The following MCU variants were observed in gnomAD, a reference collection of about 807,000 sequenced individuals.
The protein encoded by MCU is calcium uniporter protein, mitochondrial.
MCU carries 12 observed loss-of-function variants against 45.2 expected under a neutral mutation model. The ratio of observed to expected loss-of-function variants is 0.27; its 90% CI spans 0.17 to 0.43. The LOEUF (loss-of-function observed/expected upper bound fraction) is 0.43. Among genes scored for constraint, MCU ranks in the 20% least tolerant of loss-of-function variants. The probability of loss-of-function intolerance (pLI) is 1.00; values close to 1 mark genes in which losing one functional copy is unlikely to be tolerated. For synonymous variants in MCU, 160 were observed against 165.1 expected (o/e 0.97, Z 0.24); for missense variants, 324 against 436.7 (o/e 0.74, Z 2.30).
At chr10:72,862,715 G>A (rs144523813) in intron 4 of MCU, among the ~76,000 whole-genome samples, 1 of 152,174 alleles carries the variant, frequency 6.6e-6, no homozygotes, top group East Asian at 1.9e-4. Context: ...CACCCCAGGG[G>A]TGGGGGACCA....
intron 2 of MCU, among the ~76,000 whole-genome samples, chr10:72,857,956 A>G (rs1845318070): frequency 6.6e-6 from 1 of 152,242 alleles, no homozygotes; most frequent in Non-Finnish European, 1.5e-5. Context: ...TCATGAAGAC[A>G]TTCAAGAGAA....
At chr10:72,819,995 G>A (rs1844686626) in intron 1 of MCU, among the ~76,000 whole-genome samples, 1 of 152,122 alleles carries the variant, frequency 6.6e-6, no homozygotes, top group Non-Finnish European at 1.5e-5. Flanking sequence ...AGAAAAGTCT[G>A]AGGGGAAAGT....
At chr10:72,723,666 G>T (rs1843054452) in intron 1 of MCU, among the ~76,000 whole-genome samples, 1 of 152,222 alleles carries the variant, frequency 6.6e-6, no homozygotes, top group African/African-American at 2.4e-5. Flanking sequence ...TAACAAACTT[G>T]TCATACACAT....
At chr10:72,805,178 T>TTCCTTCCTTCCTTCCTTCCTTCCTTCC in intron 1 of MCU, among the ~76,000 whole-genome samples, 1 of 140,440 alleles carries the variant, frequency 7.1e-6, no homozygotes, top group African/African-American at 3.1e-5. Flanking sequence ...TCTCTCTCTC[T>TTCCTTCCTTCCTTCCTTCCTTCCTTCC]TTCCTTCCTT....
At chr10:72,704,149 A>G (rs1350939970) in intron 1 of MCU, among the ~76,000 whole-genome samples, 1 of 152,188 alleles carries the variant, frequency 6.6e-6, no homozygotes, top group African/African-American at 2.4e-5. Flanking sequence ...GGCCGGGTGG[A>G]AAGGATGGGA....
At chr10:72,766,168 G>A (rs1843724209) in intron 1 of MCU, among the ~76,000 whole-genome samples, 1 of 152,102 alleles carries the variant, frequency 6.6e-6, no homozygotes, top group African/African-American at 2.4e-5. Flanking sequence ...ATGACTGACT[G>A]TTTTTCATTT....
chr10:72,693,188 G>GT lies in MCU; in HGVS notation c.150+888dup, dbSNP rs934259534. On this transcript the variant is annotated intron_variant, in intron 1 of 7. Transcript: ENST00000373053. ...CTCTTGGGTGAGTGTGTGTGTGTGT[G>GT]TGTGTGTGTGTGAGAGAGAGAGAGA... 71 of 924,852 alleles carry GT rather than the reference G, an allele frequency of 7.7e-5. 1 individual carries two copies. In the African/African-American group the frequency reaches 1.0e-3, roughly 13 times the overall value. The allele number at this position is 924,852 out of a possible 1,614,324, so 57.3% of individuals were successfully genotyped here. A position where few individuals can be genotyped will look rare whatever the true frequency, so the allele number is the denominator to read the frequency against.
chr10:72,702,370 A>G (rs1053044934), intron 1 of MCU, among the ~76,000 whole-genome samples: 12 of 152,328 alleles, frequency 7.9e-5, no homozygotes, highest in African/African-American at 2.6e-4. Flanking sequence ...AGTGTACTCT[A>G]CAACAGTCCT....
chr10:72,733,910 A>T (rs1589436889), intron 1 of MCU, among the ~76,000 whole-genome samples: 1 of 151,934 alleles, frequency 6.6e-6, no homozygotes, highest in Admixed American at 6.5e-5. Flanking sequence ...AAATTATTTT[A>T]AAAGTAATAT....
At chr10:72,743,582 C>G (rs540358889) in intron 1 of MCU, among the ~76,000 whole-genome samples, 3 of 151,482 alleles carry the variant, frequency 2.0e-5, no homozygotes, top group Non-Finnish European at 4.4e-5. Context: ...TTTTTCTGTA[C>G]TTGTACATTT....
At chr10:72,746,245 A>G (rs187027420) in intron 1 of MCU, among the ~76,000 whole-genome samples, 15 of 152,346 alleles carry the variant, frequency 9.8e-5, no homozygotes, top group African/African-American at 1.9e-4. Context: ...TTTTTCAAAA[A>G]CCAAAAAGAA....
At chr10:72,776,551 A>G (rs1843896968) in intron 1 of MCU, among the ~76,000 whole-genome samples, 1 of 152,226 alleles carries the variant, frequency 6.6e-6, no homozygotes, top group Admixed American at 6.5e-5. Flanking sequence ...CAAAATGGGT[A>G]TAGAAGGAGC....
chr10:72,823,551 T>TTAG (rs1373390349), intron 1 of MCU, among the ~76,000 whole-genome samples: 6 of 152,214 alleles, frequency 3.9e-5, no homozygotes, highest in African/African-American at 1.4e-4. Context: ...TTATTTGATC[T>TTAG]TCCCTTTTAT....
chr10:72,828,516 C>G (rs1844831411), intron 1 of MCU, among the ~76,000 whole-genome samples: 1 of 152,028 alleles, frequency 6.6e-6, no homozygotes, highest in Admixed American at 6.6e-5. Context: ...ATTCCCCTTC[C>G]TTTAGCCTGA....
rs1282416201 is a variant in MCU at position 72,821,568 on chromosome 10, T to G, written c.151-12791T>G. Among the ~76,000 whole-genome samples, 7 of 152,260 alleles carry G rather than the reference T, an allele frequency of 4.6e-5. No homozygotes were observed. In the East Asian group the frequency reaches 1.4e-3, roughly 29 times the overall value. ...CTCATCAAAAGGAAACAAACAAGCA[T>G]GCTTTTCTGCTTGACTTTTACTCCA... On this transcript the variant is annotated intron_variant, in intron 1 of 7. Coordinates refer to ENST00000373053, the MANE Select transcript of MCU (RefSeq NM_138357.3).
At chr10:72,855,589 A>T (rs1378281024) in intron 2 of MCU, among the ~76,000 whole-genome samples, 1 of 152,232 alleles carries the variant, frequency 6.6e-6, no homozygotes, top group Non-Finnish European at 1.5e-5. Flanking sequence ...CTCTAAAAAA[A>T]GAGATTAAAT....
chr10:72,747,491 T>C (rs1474441256), intron 1 of MCU, among the ~76,000 whole-genome samples: 1 of 152,198 alleles, frequency 6.6e-6, no homozygotes, highest in Admixed American at 6.5e-5. Flanking sequence ...GCAGTGCCTG[T>C]TATGCCTGCT....
At position 72,737,364 on chromosome 10, in the gene MCU, A is replaced by G. The variant is rs118135225; in HGVS notation, c.150+45063A>G. 1.1e-4 allele frequency among the ~76,000 whole-genome samples: 16 copies of G among 152,366 alleles called. No homozygotes were observed. The East Asian group carries it at 2.7e-3, about 26-fold the overall frequency. On this transcript the variant is annotated intron_variant, in intron 1 of 7. Coordinates refer to ENST00000373053, the MANE Select transcript of MCU (RefSeq NM_138357.3). ...TTATTATTCTGTACCTTCTGTGTAA[A>G]ATGCCCATTGCTAGGCCTGGGCCCC...
At chr10:72,809,904 A>AG (rs1226088094) in intron 1 of MCU, among the ~76,000 whole-genome samples, 1 of 152,120 alleles carries the variant, frequency 6.6e-6, no homozygotes, top group Non-Finnish European at 1.5e-5. Context: ...AGGAGGGAGG[A>AG]GGTAGTCAGC....
Sources: gnomAD v4.1 joint callset for allele counts (sites outside exome capture counted in the v4.1 genomes callset) on GRCh38, gnomAD v4.1.1 for gene constraint, MANE v1.5 for transcripts, NCBI Gene and HGNC (gene_info 2026-07-23, HGNC 2026-07-21) for gene names.